Variants in EPHA4 observed in about 807,000 individuals in gnomAD.
EPHA4 encodes ephrin type-A receptor 4.
A neutral mutation model predicts 108.3 loss-of-function variants in EPHA4; 19 were observed. That is an observed-to-expected ratio of 0.18 (90% CI 0.12 to 0.26). The LOEUF (loss-of-function observed/expected upper bound fraction) is 0.26. Among genes scored for constraint, EPHA4 ranks in the 10% least tolerant of loss-of-function variants. The pLI is 1.00. For synonymous variants in EPHA4, 449 were observed against 455.5 expected, an observed-to-expected ratio of 0.99 and a Z score of 0.18; for missense variants, 917 against 1,254.0, an observed-to-expected ratio of 0.73 and a Z score of 4.06.
intron 3 of EPHA4, among the ~76,000 whole-genome samples, chr2:221,518,831 T>C (rs1199281279): frequency 6.6e-6 from 1 of 152,072 alleles, no homozygotes; most frequent in African/African-American, 2.4e-5. Context: ...TGATAATACT[T>C]AAAAGGTGGG....
chr2:221,545,485 A>G (rs1289606199), intron 3 of EPHA4, among the ~76,000 whole-genome samples: 1 of 152,108 alleles, frequency 6.6e-6, no homozygotes, highest in Admixed American at 6.6e-5. Flanking sequence ...AACAAAAAAC[A>G]AAACAAAACA....
intron 3 of EPHA4, among the ~76,000 whole-genome samples, chr2:221,540,675 G>C (rs1476790479): frequency 6.6e-6 from 1 of 152,190 alleles, no homozygotes; most frequent in Non-Finnish European, 1.5e-5. Context: ...CCTGCAACTG[G>C]ATAACCAGCC....
intron 10 of EPHA4, 48 bp from the exon 11 acceptor site, chr2:221,443,062 AT>A: frequency 1.1e-6 from 1 of 927,776 alleles, no homozygotes. Context: ...CACATTCAAG[AT>A]GAAAGAATAA....
At chr2:221,455,484 A>G in intron 8 of EPHA4, 63 bp downstream of exon 8, 3 of 1,315,422 alleles carry the variant, frequency 2.3e-6, no homozygotes, top group Non-Finnish European at 3.3e-6. Context: ...TGTGGAAGAG[A>G]AAAAAACCAT....
chr2:221,426,556 A>G lies in EPHA4; in HGVS notation c.2754T>C (p.Asp918=), dbSNP rs529159496. Residue 918 remains aspartate (D), a synonymous_variant, in exon 16 of 18, where the codon GAT becomes GAC. Coordinates refer to ENST00000281821, the MANE Select transcript of EPHA4 (RefSeq NM_004438.5). ...GGTCCATTTTAATGGCCTGGAGCCA[A>G]TCGCCCACTGATACCACAGCAGAGA... The part of the protein sequence containing the change: ...PEFSAVVSVG[D]WLQAIKMDRY... The G allele has an allele frequency of 6.2e-7, 1 of 1,614,162 alleles. No homozygotes were observed. Among genetic ancestry groups the G allele is most frequent in the Admixed American group, 1.7e-5 (1 of 60,018 alleles).
intron 2 of EPHA4, 98 bp downstream of exon 2, chr2:221,568,620 C>A: frequency 1.0e-6 from 1 of 954,400 alleles, no homozygotes; most frequent in Non-Finnish European, 1.6e-6. Flanking sequence ...ATCTGACCCC[C>A]TCACCACAAT....
At chr2:221,482,100 T>C (rs564376898) in intron 5 of EPHA4, among the ~76,000 whole-genome samples, 2 of 152,024 alleles carry the variant, frequency 1.3e-5, no homozygotes, top group Admixed American at 1.3e-4. Context: ...AGAGATGGGG[T>C]GTCATCGTGT....
intron 5 of EPHA4, among the ~76,000 whole-genome samples, chr2:221,474,907 C>T (rs1691611558): frequency 6.6e-6 from 1 of 152,110 alleles, no homozygotes; most frequent in Non-Finnish European, 1.5e-5. Flanking sequence ...CTCACTCTGT[C>T]ATCCAGGCTA....
chr2:221,477,602 C>T lies in EPHA4; in HGVS notation c.1318+4750G>A, dbSNP rs1057193978. Among the ~76,000 whole-genome samples the T allele has an allele frequency of 1.6e-4, 25 of 152,230 alleles. No individual in the cohort carries two copies. The South Asian group carries it at 1.7e-3, about 10-fold the overall frequency. On this transcript the variant is annotated intron_variant, in intron 5 of 17. Transcript: ENST00000281821. ...TTTAGAACAACTGTTCACTATCTTA[C>T]TGTTTTCCCCCCGCAACGTAAATCC... is the stretch of plus-strand genomic sequence containing the variant.
chr2:221,481,965 G>C (rs1691834031), intron 5 of EPHA4, among the ~76,000 whole-genome samples: 1 of 152,154 alleles, frequency 6.6e-6, no homozygotes, highest in Non-Finnish European at 1.5e-5. Flanking sequence ...ATCCAGCATG[G>C]AGTGACTCAG....
intron 11 of EPHA4, among the ~76,000 whole-genome samples, chr2:221,441,461 ATCCCGCTGAG>A (rs1690426688): frequency 1.3e-5 from 2 of 151,828 alleles, no homozygotes; most frequent in African/African-American, 4.8e-5. Context: ...CCAGCTCCCC[ATCCCGCTGAG>A]AGCCACCTCC....
rs774749509 is a variant in EPHA4 at position 221,434,259 on chromosome 2, T to C, written c.2379A>G (p.Pro793=). 45 of 1,614,048 alleles carry C rather than the reference T, an allele frequency of 2.8e-5. No homozygotes were observed. The highest frequency in any genetic ancestry group is 3.6e-5 in the Non-Finnish European group (42 of 1,180,008). ...GGKIPIRWTA[P]EAIAYRKFTS... is the part of the protein sequence containing the mutation. ...TGAATTTACGATAGGCAATTGCTTC[T>C]GGCGCAGTCCACCGGATAGGAATCT... Residue 793 remains proline, a synonymous_variant, in exon 14 of 18, where the codon CCA becomes CCG. Transcript: ENST00000281821.
chr2:221,450,668 C>T lies in EPHA4; in HGVS notation c.1716-4487G>A, dbSNP rs772326845. Among the ~76,000 whole-genome samples, 4 of 152,012 alleles carry T rather than the reference C, an allele frequency of 2.6e-5. 1 individual carries two copies. The highest frequency in any genetic ancestry group is 5.9e-5 in the Non-Finnish European group (4 of 68,012). On this transcript the variant is annotated intron_variant, in intron 8 of 17. Coordinates refer to ENST00000281821, the MANE Select transcript of EPHA4 (RefSeq NM_004438.5). Reference sequence around the variant, plus strand: ...CCTAATATATATATATAAATTTTGCCATAACCACTTCATTTTTTTCTTAAA... The same window carrying T: ...CCTAATATATATATATAAATTTTGCTATAACCACTTCATTTTTTTCTTAAA...
At chr2:221,513,786 C>T (rs1255465348) in intron 3 of EPHA4, among the ~76,000 whole-genome samples, 1 of 152,196 alleles carries the variant, frequency 6.6e-6, no homozygotes, top group Non-Finnish European at 1.5e-5. Context: ...TGATTTTACA[C>T]AACTTTCTGC....
intron 5 of EPHA4, among the ~76,000 whole-genome samples, chr2:221,477,164 C>T (rs759251873): frequency 6.6e-6 from 1 of 152,118 alleles, no homozygotes; most frequent in African/African-American, 2.4e-5. Flanking sequence ...ACAGCTACAA[C>T]AGGATTCATG....
At chr2:221,526,852 C>CAAAAAAAAAA (rs528335766) in intron 3 of EPHA4, among the ~76,000 whole-genome samples, 7 of 48,618 alleles carry the variant, frequency 1.4e-4, no homozygotes, top group African/African-American at 5.8e-4. Context: ...GACTCGGCCT[C>CAAAAAAAAAA]AAAAAAAAAA....
intron 17 of EPHA4, among the ~76,000 whole-genome samples, chr2:221,424,476 CAAA>C (rs201109701): frequency 3.6e-5 from 5 of 140,184 alleles, no homozygotes; most frequent in African/African-American, 7.9e-5. Flanking sequence ...TGAAATAACT[CAAA>C]AAAAAAAAAA....
At chr2:221,490,630 A>G (rs1370582216) in intron 4 of EPHA4, among the ~76,000 whole-genome samples, 4 of 152,202 alleles carry the variant, frequency 2.6e-5, no homozygotes, top group Non-Finnish European at 5.9e-5. Flanking sequence ...AATCATGTAC[A>G]ACTTTTGGAC....
Position 221,572,233 on chromosome 2 carries a change from A to G in EPHA4, c.16T>C (p.Tyr6His). The change falls in exon 1 of 18, where the codon TAT becomes CAT. Residue 6 changes from tyrosine to histidine, a missense_variant. Tyr to His is a moderately conservative substitution (Grantham distance 83, BLOSUM62 2). Around this residue, in one of 3 missense-constraint regions of EPHA4, gnomAD observed 758 missense variants for 1,076.7 expected, o/e 0.70. Transcript: ENST00000281821. The part of the protein sequence containing the change: MAGIF[Y>H]FALFSCLFGI... ...AAGAGACACGAAAATAGGGCGAAATAGAAAATCCCAGCCATGGTTCGCCGG... is the reference window on the plus strand; with the variant it reads ...AAGAGACACGAAAATAGGGCGAAATGGAAAATCCCAGCCATGGTTCGCCGG... The G allele has an allele frequency of 6.2e-7, 1 of 1,614,136 alleles. No individual in the cohort carries two copies. The highest frequency in any genetic ancestry group is 8.5e-7 in the Non-Finnish European group (1 of 1,179,960).
Sources: allele counts gnomAD v4.1 joint callset (sites outside exome capture counted in the v4.1 genomes callset), GRCh38; gene constraint gnomAD v4.1.1; regional missense constraint gnomAD v4.1.1; transcripts MANE v1.5; gene names NCBI Gene and HGNC (gene_info 2026-07-23, HGNC 2026-07-21).